ABCC5: variants seen among roughly 807,000 people sequenced by gnomAD.
ABCC5 encodes ATP binding cassette subfamily C member 5, also known as ATP-binding cassette sub-family C member 5.
Under a neutral mutation model 160.9 loss-of-function variants are expected in ABCC5, and 61 were observed. The observed-to-expected ratio is 0.38, with a 90% confidence interval of 0.31 to 0.47. The LOEUF (loss-of-function observed/expected upper bound fraction) is 0.47, where lower values mean the gene tolerates loss of function less well. Among genes scored for constraint, ABCC5 ranks in the 20% least tolerant of loss-of-function variants. ABCC5 has a pLI of 0.99. For missense variants in ABCC5, 1,308 were observed against 1,813.3 expected (o/e 0.72, Z 5.06); for synonymous variants, 666 against 700.6 (o/e 0.95, Z 0.78).
intron 8 of ABCC5, 37 bp downstream of exon 8, chr3:183,981,690 C>G: frequency 1.2e-6 from 2 of 1,603,456 alleles, no homozygotes; most frequent in South Asian, 1.1e-5. Context: ...ATCCAAGGTC[C>G]TTCTACCACA....
intron 10 of ABCC5, among the ~76,000 whole-genome samples, chr3:183,976,589 G>A (rs1223199716): frequency 2.6e-5 from 4 of 152,000 alleles, no homozygotes; most frequent in South Asian, 2.1e-4. Context: ...AAAGTCACCC[G>A]GTCAACTGTA....
intron 27 of ABCC5, among the ~76,000 whole-genome samples, chr3:183,928,231 C>T (rs1311997916): frequency 6.6e-6 from 1 of 151,940 alleles, no homozygotes; most frequent in African/African-American, 2.4e-5. Context: ...CCTGTCTCAG[C>T]CTCCTGAGTA....
At chr3:183,941,294 T>C (rs1158651771) in intron 25 of ABCC5, among the ~76,000 whole-genome samples, 1 of 152,198 alleles carries the variant, frequency 6.6e-6, no homozygotes, top group African/African-American at 2.4e-5. Context: ...AGGGGAGCAG[T>C]GTACCCCTGG....
Position 183,948,103 on chromosome 3 carries a change from TA to T in ABCC5, c.3228-594del, listed in dbSNP as rs541705817. Among the ~76,000 whole-genome samples the T allele has an allele frequency of 1.4e-3, 212 of 152,344 alleles. 1 individual carries two copies. Among genetic ancestry groups the T allele is most frequent in the Non-Finnish European group, 2.5e-3 (170 of 68,036 alleles). On this transcript the variant is annotated intron_variant, in intron 22 of 29. Transcript: ENST00000334444. ...TGAAGGAGCATGGCACGGCCATCAG[TA>T]GGGGTCCCAGAGAGCAGACCAGACC...
rs1383401532 is a variant in ABCC5 at position 184,014,383 on chromosome 3, T to C, written c.10A>G (p.Ile4Val). The change falls in exon 2 of 30, where the codon ATC (isoleucine) becomes GTC (valine). Residue 4 changes from isoleucine to valine, a missense_variant. Transcript: ENST00000334444. MKD[I>V]DIGKEYIIPS... is the part of the protein sequence containing the mutation. ...ATGATATACTCTTTTCCTATGTCGATATCCTTCATCTTCTCTGAGTGGAGG... is the reference window on the plus strand; with the variant it reads ...ATGATATACTCTTTTCCTATGTCGACATCCTTCATCTTCTCTGAGTGGAGG... 3 of 1,612,920 alleles carry C rather than the reference T, an allele frequency of 1.9e-6. No homozygotes were observed. Among genetic ancestry groups the C allele is most frequent in the East Asian group, 2.2e-5 (1 of 44,808 alleles).
At position 183,949,696 on chromosome 3, in the gene ABCC5, A is replaced by G. The variant is rs1715164378; in HGVS notation, c.3227+57T>C. ...GCCTTGAAGAGCCTCCCGGACAAGT[A>G]TCAAACGCTGGGATGCTGACTCCCC... On this transcript the variant is annotated intron_variant, in intron 22 of 29. Transcript: ENST00000334444. This position sits in a 1 kb window ranked among gnomAD's most constrained non-coding sequence, Gnocchi z 4.2. 6.3e-7 allele frequency: 1 copy of G among 1,597,570 alleles called. No homozygotes were observed.
intron 17 of ABCC5, among the ~76,000 whole-genome samples, chr3:183,956,695 C>A (rs113856196): frequency 1.2e-5 from 1 of 80,014 alleles, no homozygotes; most frequent in African/African-American, 6.5e-5. Context: ...CATGCAGATC[C>A]GTGTGTATAT....
intron 24 of ABCC5, 134 bp from the exon 25 acceptor site, chr3:183,943,050 G>T: frequency 1.2e-6 from 1 of 844,434 alleles, no homozygotes; most frequent in East Asian, 2.6e-5. Context: ...ACCTTGCTAG[G>T]AAAGAATCCC....
At chr3:183,954,615 C>T (rs1453286182) in intron 17 of ABCC5, among the ~76,000 whole-genome samples, 1 of 152,200 alleles carries the variant, frequency 6.6e-6, no homozygotes, top group Admixed American at 6.6e-5. Context: ...AACTGGCTGG[C>T]TGCTGGAGGA....
intron 3 of ABCC5, 97 bp downstream of exon 3, chr3:183,989,129 C>A (rs1560039042): frequency 8.1e-7 from 1 of 1,228,166 alleles, no homozygotes; most frequent in Non-Finnish European, 1.1e-6. Flanking sequence ...CGAGATCATG[C>A]CACTGGCGAC....
At chr3:184,001,240 G>A (rs1482984909) in intron 2 of ABCC5, 13 of 536,122 alleles carry the variant, frequency 2.4e-5, no homozygotes, top group East Asian at 3.0e-5. Flanking sequence ...GTGACAGAGT[G>A]AGACTCTGAC....
intron 22 of ABCC5, 131 bp from the exon 23 acceptor site, chr3:183,947,641 T>C: frequency 1.3e-6 from 1 of 750,302 alleles, no homozygotes; most frequent in Non-Finnish European, 2.1e-6. Flanking sequence ...GAGAATGCCC[T>C]GGAAACTCCA....
intron 1 of ABCC5, 44 bp from the exon 2 acceptor site, chr3:184,014,491 G>C: frequency 8.5e-7 from 1 of 1,169,978 alleles, no homozygotes. Flanking sequence ...TTCCTAAACA[G>C]TACTTAACCA....
intron 27 of ABCC5, chr3:183,927,747 T>A (rs1712728752): frequency 2.0e-6 from 2 of 985,462 alleles, no homozygotes; most frequent in South Asian, 4.7e-5. Flanking sequence ...TCTGAAAATA[T>A]GGTCTTGCAA....
chr3:183,963,665 C>T lies in ABCC5; in HGVS notation c.2032-77G>A, dbSNP rs550602814. 2.1e-6 allele frequency: 3 copies of T among 1,420,042 alleles called. No individual in the cohort carries two copies. Among genetic ancestry groups the T allele is most frequent in the African/African-American group, 1.4e-5 (1 of 70,984 alleles). The allele number at this position is 1,420,042 out of a possible 1,614,324, so 88.0% of individuals were successfully genotyped here. ...GTGGAGGGGTCACCCAGTCACTTCT[C>T]TTCTTGCCCACCCAGACCAGCTCCT... On this transcript the variant is annotated intron_variant, in intron 14 of 29. Coordinates refer to ENST00000334444, the MANE Select transcript of ABCC5 (RefSeq NM_005688.4). This position sits in a 1 kb window ranked among gnomAD's most constrained non-coding sequence, Gnocchi z 4.6.
At chr3:183,989,426 C>A in intron 2 of ABCC5, 43 bp from the exon 3 acceptor site, 1 of 1,604,996 alleles carries the variant, frequency 6.2e-7, no homozygotes, top group Non-Finnish European at 8.5e-7. Flanking sequence ...ACAGTTAATA[C>A]ACAGGCGAGA....
chr3:183,957,775 C>T (rs34714693), intron 17 of ABCC5, among the ~76,000 whole-genome samples: 48 of 44,216 alleles, frequency 1.1e-3, no homozygotes, highest in Middle Eastern at 0.021. Flanking sequence ...ATCGGTTACA[C>T]GTAAATCCGT....
Position 183,988,774 on chromosome 3 carries a change from AGGGCAGCCC to A in ABCC5, c.288-56_288-48del, listed in dbSNP as rs766537124. 10 of 1,587,954 alleles carry A rather than the reference AGGGCAGCCC, an allele frequency of 6.3e-6. No individual in the cohort carries two copies. The African/African-American group carries it at 1.4e-4, about 21-fold the overall frequency. On this transcript the variant is annotated intron_variant, in intron 3 of 29. Coordinates refer to ENST00000334444, the MANE Select transcript of ABCC5 (RefSeq NM_005688.4). The surrounding 1 kb of genome is among the most constrained non-coding windows in gnomAD (Gnocchi z 4.4). ...CACAAAGCTATCAACACGCACGGAG[AGGGCAGCCC>A]GTGTTTAATGGACACTGTTTAGTGA... is the stretch of plus-strand genomic sequence containing the variant.
chr3:183,979,997 T>G (rs1239332910), intron 8 of ABCC5, among the ~76,000 whole-genome samples: 1 of 152,122 alleles, frequency 6.6e-6, no homozygotes, highest in Non-Finnish European at 1.5e-5. Flanking sequence ...TGCCTCGGCC[T>G]CTTGAGTAGC....
Sources: gnomAD v4.1 joint callset for allele counts (sites outside exome capture counted in the v4.1 genomes callset) on GRCh38, gnomAD v4.1.1 for gene constraint, Gnocchi (gnomAD v3.1) non-coding constraint, MANE v1.5 for transcripts, NCBI Gene and HGNC (gene_info 2026-07-23, HGNC 2026-07-21) for gene names.